The following MBTD1 variants were observed in gnomAD, a reference collection of about 807,000 sequenced individuals.
The protein encoded by MBTD1 is MBT domain-containing protein 1.
MBTD1 carries 24 observed loss-of-function variants against 87.8 expected under a neutral mutation model. The ratio of observed to expected loss-of-function variants is 0.27; its 90% CI spans 0.20 to 0.38. The LOEUF (loss-of-function observed/expected upper bound fraction) is 0.38. MBTD1 is among the 10% of genes least tolerant of loss of function. The probability of loss-of-function intolerance (pLI) is 1.00; values close to 1 mark genes in which losing one functional copy is unlikely to be tolerated. For synonymous variants in MBTD1, 237 were observed against 248.6 expected, an observed-to-expected ratio of 0.95 and a Z score of 0.44; for missense variants, 436 against 760.2, an observed-to-expected ratio of 0.57 and a Z score of 5.02.
intron 2 of MBTD1, among the ~76,000 whole-genome samples, chr17:51,226,461 C>A (rs36013793): frequency 0.51 from 77,362 of 150,430 alleles, 20,161 homozygotes; most frequent in South Asian, 0.65. Context: ...TGAGATCATG[C>A]CACTGCACTC....
Position 51,179,509 on chromosome 17 carries a change from T to TATATATATTC in MBTD1, c.*1066_*1067insGAATATATAT, listed in dbSNP as rs1568135988. ...TTATATATATATATATATATATATA[T>TATATATATTC]ATATATATATATATATATATATATA... On this transcript the variant is annotated 3_prime_UTR_variant, in exon 17 of 17. Coordinates refer to ENST00000586178, the MANE Select transcript of MBTD1 (RefSeq NM_017643.3). 6 of 92,444 alleles carry TATATATATTC rather than the reference T, an allele frequency of 6.5e-5. No homozygotes were observed. Among genetic ancestry groups the TATATATATTC allele is most frequent in the African/African-American group, 2.5e-4 (6 of 23,974 alleles). 5.7% of individuals were successfully genotyped at this position (92,444 alleles called of 1,614,324 possible). A position where few individuals can be genotyped will look rare whatever the true frequency, so the allele number is the denominator to read the frequency against.
At chr17:51,218,143 T>C (rs2052676969) in intron 5 of MBTD1, among the ~76,000 whole-genome samples, 1 of 152,150 alleles carries the variant, frequency 6.6e-6, no homozygotes, top group South Asian at 2.1e-4. Flanking sequence ...GCCTCTTCTA[T>C]TTACTCACTT....
chr17:51,223,934 G>A (rs1312753559), intron 3 of MBTD1, among the ~76,000 whole-genome samples: 1 of 152,232 alleles, frequency 6.6e-6, no homozygotes, highest in Non-Finnish European at 1.5e-5. Context: ...GTTAACTGCA[G>A]TAAGACTGGT....
intron 16 of MBTD1, chr17:51,184,144 A>G (rs1190855106): frequency 1.3e-5 from 2 of 152,228 alleles, no homozygotes; most frequent in Non-Finnish European, 2.9e-5. Flanking sequence ...CAGATGTGCA[A>G]TGTTTTAATG....
At chr17:51,223,485 G>T (rs964740303) in intron 3 of MBTD1, among the ~76,000 whole-genome samples, 1 of 151,920 alleles carries the variant, frequency 6.6e-6, no homozygotes, top group Admixed American at 6.6e-5. Flanking sequence ...GCAGTGAGTC[G>T]AGATCTTGCC....
chr17:51,228,168 G>C (rs1387786535), intron 2 of MBTD1, among the ~76,000 whole-genome samples: 1 of 152,050 alleles, frequency 6.6e-6, no homozygotes, highest in African/African-American at 2.4e-5. Context: ...GGAGCTAAAT[G>C]ATGAGAACAC....
chr17:51,254,760 C>T (rs893424767), intron 2 of MBTD1, among the ~76,000 whole-genome samples: 9 of 152,192 alleles, frequency 5.9e-5, no homozygotes, highest in Non-Finnish European at 1.0e-4. Flanking sequence ...CATGAATAGG[C>T]TTTCAGTTCT....
intron 2 of MBTD1, among the ~76,000 whole-genome samples, chr17:51,239,283 A>C (rs1397626476): frequency 1.3e-5 from 2 of 152,188 alleles, no homozygotes; most frequent in Non-Finnish European, 2.9e-5. Flanking sequence ...CATAAAACTT[A>C]ATTCATTAAA....
chr17:51,198,837 T>G (rs1463548340), intron 12 of MBTD1, among the ~76,000 whole-genome samples: 1 of 152,230 alleles, frequency 6.6e-6, no homozygotes, highest in Non-Finnish European at 1.5e-5. Flanking sequence ...GGAGTCTCGC[T>G]CTATGCCTAG....
intron 3 of MBTD1, among the ~76,000 whole-genome samples, chr17:51,224,580 T>G (rs922536608): frequency 6.6e-6 from 1 of 152,222 alleles, no homozygotes; most frequent in Non-Finnish European, 1.5e-5. Context: ...AGCCAGATTT[T>G]AGGCAGAGAG....
intron 2 of MBTD1, among the ~76,000 whole-genome samples, chr17:51,236,764 T>TTAG (rs2053862314): frequency 1.0e-5 from 1 of 96,732 alleles, no homozygotes; most frequent in African/African-American, 4.8e-5. Context: ...AAAAGGCAAT[T>TTAG]TAGTGGAGAA....
Position 51,177,532 on chromosome 17 carries a change from T to C in MBTD1, c.*3044A>G, listed in dbSNP as rs757218935. 6.6e-6 allele frequency: 1 copy of C among 152,192 alleles called. No individual in the cohort carries two copies. The highest frequency in any genetic ancestry group is 1.5e-5 in the Non-Finnish European group (1 of 68,040). The allele number at this position is 152,192 out of a possible 1,614,324, so 9.4% of individuals were successfully genotyped here. A position where few individuals can be genotyped will look rare whatever the true frequency, so the allele number is the denominator to read the frequency against. On this transcript the variant is annotated 3_prime_UTR_variant, in exon 17 of 17. Transcript: ENST00000586178. ...TGCTTTTCACATCCATGCTGAAAATTTGCAATTTGGTAAAAATGAAAGGAA... is the reference window on the plus strand; with the variant it reads ...TGCTTTTCACATCCATGCTGAAAATCTGCAATTTGGTAAAAATGAAAGGAA...
At chr17:51,184,421 A>C (rs2050445963) in intron 16 of MBTD1, 1 of 152,258 alleles carries the variant, frequency 6.6e-6, no homozygotes, top group African/African-American at 2.4e-5. Context: ...ATAAATAATA[A>C]ACTCTTTCAA....
intron 2 of MBTD1, among the ~76,000 whole-genome samples, chr17:51,243,593 C>A (rs977242715): frequency 2.0e-5 from 3 of 152,186 alleles, no homozygotes; most frequent in African/African-American, 7.2e-5. Context: ...CACATTCCAA[C>A]TGACTCAATA....
chr17:51,242,746 T>C lies in MBTD1; in HGVS notation c.-49+16397A>G, dbSNP rs1264681076. Among the ~76,000 whole-genome samples the C allele has an allele frequency of 5.3e-5, 8 of 152,336 alleles. No individual in the cohort carries two copies. In the South Asian group the frequency reaches 1.7e-3, roughly 32 times the overall value. ...AAGCGGGTAACCAACTTTATCACTT[T>C]CCGGTTCATTCTTCCTGTGTACATT... On this transcript the variant is annotated intron_variant, in intron 2 of 16. Transcript: ENST00000586178.
intron 6 of MBTD1, among the ~76,000 whole-genome samples, chr17:51,214,314 T>C (rs1233122754): frequency 6.6e-6 from 1 of 151,956 alleles, no homozygotes. Flanking sequence ...CCACTGCCGA[T>C]TATAAAAAAA....
chr17:51,205,201 T>C (rs947926497), intron 7 of MBTD1, among the ~76,000 whole-genome samples: 5 of 152,234 alleles, frequency 3.3e-5, no homozygotes, highest in Non-Finnish European at 5.9e-5. Context: ...TAGCCTTAAA[T>C]GTTCAGTTTT....
chr17:51,199,567 G>A (rs1006833791), intron 12 of MBTD1, among the ~76,000 whole-genome samples: 5 of 151,268 alleles, frequency 3.3e-5, no homozygotes, highest in African/African-American at 9.7e-5. Flanking sequence ...TCAGCCTCCC[G>A]AGTAGCTGGG....
intron 6 of MBTD1, among the ~76,000 whole-genome samples, chr17:51,213,409 T>C (rs1252633871): frequency 6.6e-6 from 1 of 152,194 alleles, no homozygotes; most frequent in African/African-American, 2.4e-5. Context: ...AAATTACTAA[T>C]AGAAAATAAT....
Sources: allele counts gnomAD v4.1 joint callset (sites outside exome capture counted in the v4.1 genomes callset), GRCh38; gene constraint gnomAD v4.1.1; transcripts MANE v1.5; gene names NCBI Gene and HGNC (gene_info 2026-07-23, HGNC 2026-07-21).